Variants in MUC7 observed in about 807,000 individuals in gnomAD.
MUC7 encodes mucin 7, secreted.
In MUC7, 2 loss-of-function variants were observed where a neutral mutation model predicts 2.5. That is an observed-to-expected ratio of 0.81 (90% CI 0.33 to 2.55). The LOEUF (loss-of-function observed/expected upper bound fraction) is 2.55, where lower values mean the gene tolerates loss of function less well. Ranked by LOEUF, MUC7 falls within the 30% of genes most tolerant of loss-of-function variation. The pLI is 0.11. For missense variants in MUC7, 408 were observed against 455.6 expected, an observed-to-expected ratio of 0.90 and a Z score of 0.95; for synonymous variants, 133 against 173.4, an observed-to-expected ratio of 0.77 and a Z score of 1.83.
chr4:70,472,913 T>A (rs781718557), intron 1 of MUC7, among the ~76,000 whole-genome samples: 7 of 152,190 alleles, frequency 4.6e-5, no homozygotes, highest in Admixed American at 2.0e-4. Flanking sequence ...CTTTATTTTG[T>A]TTTCTAAAGC....
chr4:70,443,585 C>A (rs1250318147), intron 1 of MUC7, among the ~76,000 whole-genome samples: 1 of 152,150 alleles, frequency 6.6e-6, no homozygotes, highest in Non-Finnish European at 1.5e-5. Context: ...GTCAAAACCA[C>A]ACTTTGTGCG....
In MUC7 at chr4:70,474,050, T is replaced by C. The variant is rs763197948; in HGVS notation, c.29T>C (p.Ile10Thr). 1 of 1,613,394 alleles carries C rather than the reference T, an allele frequency of 6.2e-7. No individual in the cohort carries two copies. Among genetic ancestry groups the C allele is most frequent in the Non-Finnish European group, 8.5e-7 (1 of 1,179,588 alleles). MKTLPLFVCICALSACFSFS... is the reference protein window; with the variant it reads MKTLPLFVCTCALSACFSFS... ...AAAACTCTGCCGCTGTTTGTGTGCA[T>C]CTGTGCACTGAGTGCTTGCTTCTCG... Residue 10 changes from isoleucine (I) to threonine (T), a missense_variant, in exon 2 of 3, where the codon ATC becomes ACC. Coordinates refer to ENST00000304887, the MANE Select transcript of MUC7 (RefSeq NM_152291.3).
chr4:70,451,236 T>C (rs1397837825), intron 1 of MUC7, among the ~76,000 whole-genome samples: 3 of 152,234 alleles, frequency 2.0e-5, no homozygotes, highest in African/African-American at 7.2e-5. Context: ...AGGACAGCAC[T>C]GAGTTCCATG....
upstream of MUC7, among the ~76,000 whole-genome samples, chr4:70,468,081 G>A (rs540748152): frequency 1.3e-4 from 20 of 152,190 alleles, no homozygotes; most frequent in Middle Eastern, 3.4e-3. Context: ...GCTTTACCCC[G>A]GGATGCAAGG....
At chr4:70,471,082 A>G (rs746258729), upstream of MUC7, among the ~76,000 whole-genome samples, 2 of 152,246 alleles carry the variant, frequency 1.3e-5, no homozygotes, top group Non-Finnish European at 2.9e-5. Context: ...TGTATGTGCA[A>G]AAGAACAAAC....
chr4:70,450,194 T>G (rs942586745), intron 1 of MUC7, among the ~76,000 whole-genome samples: 2 of 152,194 alleles, frequency 1.3e-5, no homozygotes, highest in African/African-American at 4.8e-5. Context: ...CTTTCCTCCC[T>G]TTTCCCAAGG....
At chr4:70,450,442 T>C (rs1353114618) in intron 1 of MUC7, among the ~76,000 whole-genome samples, 2 of 152,142 alleles carry the variant, frequency 1.3e-5, no homozygotes, top group Non-Finnish European at 2.9e-5. Flanking sequence ...GAGCCAAGCT[T>C]TGTGGCTGTG....
intron 1 of MUC7, among the ~76,000 whole-genome samples, chr4:70,435,069 A>G (rs916438928): frequency 5.3e-5 from 8 of 152,160 alleles, no homozygotes; most frequent in Admixed American, 4.6e-4. Context: ...GTGGTCTAAG[A>G]GACAGTTTGT....
intron 1 of MUC7, among the ~76,000 whole-genome samples, chr4:70,473,098 A>G (rs1464881674): frequency 6.6e-6 from 1 of 152,204 alleles, no homozygotes; most frequent in Non-Finnish European, 1.5e-5. Flanking sequence ...GCATGATGAC[A>G]TAACAATGAA....
At chr4:70,450,232 C>T (rs565540667) in intron 1 of MUC7, among the ~76,000 whole-genome samples, 1 of 152,332 alleles carries the variant, frequency 6.6e-6, no homozygotes, top group South Asian at 2.1e-4. Context: ...ATAGCCACTG[C>T]CACCCCAGGC....
intron 1 of MUC7, among the ~76,000 whole-genome samples, chr4:70,431,203 G>A (rs1021031608): frequency 6.6e-6 from 1 of 152,048 alleles, no homozygotes; most frequent in Non-Finnish European, 1.5e-5. Flanking sequence ...ATGAAACCAA[G>A]AACATATGAG....
At chr4:70,467,821 T>C (rs1734719153), upstream of MUC7, among the ~76,000 whole-genome samples, 1 of 152,206 alleles carries the variant, frequency 6.6e-6, no homozygotes, top group African/African-American at 2.4e-5. Context: ...AGCCAAATTC[T>C]ACCAGAGGTA....
chr4:70,449,231 GA>G (rs1734219692), intron 1 of MUC7, among the ~76,000 whole-genome samples: 1 of 152,146 alleles, frequency 6.6e-6, no homozygotes, highest in South Asian at 2.1e-4. Context: ...TACTGATAAA[GA>G]CATACTTGAG....
intron 1 of MUC7, among the ~76,000 whole-genome samples, chr4:70,436,628 C>T (rs1185874756): frequency 6.6e-6 from 1 of 152,204 alleles, no homozygotes; most frequent in Admixed American, 6.5e-5. Context: ...AGCTTCCTTG[C>T]AATGGGTTAG....
chr4:70,436,664 TTTG>T (rs1733844709), intron 1 of MUC7, among the ~76,000 whole-genome samples: 3 of 152,272 alleles, frequency 2.0e-5, no homozygotes, highest in South Asian at 2.1e-4. Flanking sequence ...CTCAGAGAAG[TTTG>T]TTATTACCAA....
intron 1 of MUC7, among the ~76,000 whole-genome samples, chr4:70,443,504 C>A (rs1241119926): frequency 1.3e-5 from 2 of 152,062 alleles, no homozygotes; most frequent in East Asian, 3.8e-4. Context: ...TACCAACAAG[C>A]AACAAAACCC....
upstream of MUC7, among the ~76,000 whole-genome samples, chr4:70,467,316 T>C (rs1009058843): frequency 6.6e-6 from 1 of 151,920 alleles, no homozygotes; most frequent in African/African-American, 2.4e-5. Flanking sequence ...AGAAAAGAAC[T>C]AAAATCAACA....
intron 1 of MUC7, among the ~76,000 whole-genome samples, chr4:70,447,182 C>CTAT (rs1289891617): frequency 6.6e-6 from 1 of 152,148 alleles, no homozygotes; most frequent in African/African-American, 2.4e-5. Flanking sequence ...CCTGATTGTG[C>CTAT]TATTAACAAC....
chr4:70,475,778 A>G (rs1207202966), intron 2 of MUC7, among the ~76,000 whole-genome samples: 1 of 152,200 alleles, frequency 6.6e-6, no homozygotes, highest in East Asian at 1.9e-4. Flanking sequence ...GTACTTTTTT[A>G]TTGAATGAGG....
Sources: gnomAD v4.1 joint callset for allele counts (sites outside exome capture counted in the v4.1 genomes callset) on GRCh38, gnomAD v4.1.1 for gene constraint, MANE v1.5 for transcripts, NCBI Gene and HGNC (gene_info 2026-07-23, HGNC 2026-07-21) for gene names.